MYT1L: variants seen among roughly 807,000 people sequenced by gnomAD.
MYT1L encodes myelin transcription factor 1-like protein.
MYT1L carries 12 observed loss-of-function variants against 126.7 expected under a neutral mutation model. The ratio of observed to expected loss-of-function variants is 0.09; its 90% confidence interval spans 0.06 to 0.15. MYT1L has a LOEUF of 0.15. MYT1L is among the 10% of genes least tolerant of loss of function. The pLI is 1.00. For missense variants in MYT1L, 979 were observed against 1,585.2 expected (o/e 0.62, Z 6.49); for synonymous variants, 541 against 604.2 (o/e 0.90, Z 1.53).
Position 1,956,623 on chromosome 2 carries a change from C to CTAT in MYT1L, c.153-13290_153-13289insATA, listed in dbSNP as rs1558534517. ...ATCTATCTATCTATCTATCTATCTA[C>CTAT]CTACCTACCTATCTAGCTATCTATT... On this transcript the variant is annotated intron_variant, in intron 8 of 24. Coordinates refer to ENST00000647738, the MANE Select transcript of MYT1L (RefSeq NM_001303052.2). Among the ~76,000 whole-genome samples, 574 of 103,386 alleles carry CTAT rather than the reference C, an allele frequency of 5.6e-3. 13 individuals are homozygous for CTAT. The highest frequency in any genetic ancestry group is 0.01 in the African/African-American group (257 of 24,554). 67.8% of individuals were successfully genotyped at this position (103,386 alleles called of 152,430 possible).
At chr2:2,095,176 G>A (rs112658121) in intron 3 of MYT1L, among the ~76,000 whole-genome samples, 1,762 of 152,370 alleles carry the variant, frequency 0.012, 29 homozygotes, top group African/African-American at 0.04. Context: ...CCCCCAAGTT[G>A]TGACAGAAGC....
At chr2:1,916,729 T>G (rs914507218) in intron 11 of MYT1L, among the ~76,000 whole-genome samples, 1 of 152,174 alleles carries the variant, frequency 6.6e-6, no homozygotes, top group Non-Finnish European at 1.5e-5. Context: ...ACTTTACAGG[T>G]GAAATGCAAT....
chr2:1,869,870 G>A lies in MYT1L; in HGVS notation c.2711+16669C>T, dbSNP rs189060083. Among the ~76,000 whole-genome samples the A allele has an allele frequency of 6.6e-5, 10 of 152,286 alleles. No individual in the cohort carries two copies. The East Asian group carries it at 1.9e-3, about 29-fold the overall frequency. On this transcript the variant is annotated intron_variant, in intron 18 of 24. Transcript: ENST00000647738. The stretch of plus-strand genomic sequence containing the variant: ...CTGTTTGAATCTGGGGCCAGTGTCT[G>A]CTCACTATACCACACAGATCTCCAA...
chr2:1,949,428 C>CGATG (rs1162251218), intron 8 of MYT1L, among the ~76,000 whole-genome samples: 1 of 152,090 alleles, frequency 6.6e-6, no homozygotes, highest in Non-Finnish European at 1.5e-5. Context: ...GGATGCCTCA[C>CGATG]GATGTCTTTT....
At chr2:2,025,233 T>C (rs1044261459) in intron 4 of MYT1L, among the ~76,000 whole-genome samples, 6 of 152,148 alleles carry the variant, frequency 3.9e-5, no homozygotes, top group Non-Finnish European at 5.9e-5. Context: ...CACAGAGCAG[T>C]TGGAACTCAC....
At chr2:2,249,326 A>G (rs1453478841) in intron 2 of MYT1L, among the ~76,000 whole-genome samples, 1 of 152,040 alleles carries the variant, frequency 6.6e-6, no homozygotes, top group Non-Finnish European at 1.5e-5. Flanking sequence ...GAAGTGAAAT[A>G]TCTCTATAAT....
At chr2:2,030,074 G>A (rs2066062659) in intron 4 of MYT1L, among the ~76,000 whole-genome samples, 1 of 152,108 alleles carries the variant, frequency 6.6e-6, no homozygotes, top group African/African-American at 2.4e-5. Context: ...TGATGGGCAT[G>A]AGGAATTGTT....
At chr2:2,260,175 C>T (rs901304648) in intron 2 of MYT1L, among the ~76,000 whole-genome samples, 6 of 152,176 alleles carry the variant, frequency 3.9e-5, no homozygotes, top group Non-Finnish European at 7.3e-5. Context: ...AGATTTTACA[C>T]CTGGCTCCCC....
At chr2:1,831,425 G>A (rs1458947671) in intron 21 of MYT1L, among the ~76,000 whole-genome samples, 1 of 152,060 alleles carries the variant, frequency 6.6e-6, no homozygotes, top group Non-Finnish European at 1.5e-5. Context: ...TGCCTGTGAG[G>A]TCCTGCCCAC....
At chr2:1,976,973 T>A (rs749865390) in intron 8 of MYT1L, among the ~76,000 whole-genome samples, 1 of 152,190 alleles carries the variant, frequency 6.6e-6, no homozygotes, top group Non-Finnish European at 1.5e-5. Flanking sequence ...CCATTAGTGA[T>A]GTAGTGGAAG....
intron 8 of MYT1L, among the ~76,000 whole-genome samples, chr2:1,956,045 C>T (rs993123855): frequency 2.8e-5 from 4 of 145,430 alleles, no homozygotes; most frequent in Admixed American, 1.3e-4. Context: ...TTCTATGTAT[C>T]TATGTATCTA....
intron 20 of MYT1L, among the ~76,000 whole-genome samples, chr2:1,840,060 C>T (rs528363123): frequency 6.6e-6 from 1 of 152,170 alleles, no homozygotes; most frequent in Non-Finnish European, 1.5e-5. Context: ...AGTGAGTTTG[C>T]CTGCATTGTT....
chr2:1,941,047 T>C (rs1392094879), intron 9 of MYT1L, among the ~76,000 whole-genome samples: 1 of 152,228 alleles, frequency 6.6e-6, no homozygotes, highest in Non-Finnish European at 1.5e-5. Flanking sequence ...ATCCTAAGTG[T>C]TCAAGTGAGA....
At chr2:2,320,576 A>T (rs1573554486) in intron 1 of MYT1L, among the ~76,000 whole-genome samples, 2 of 152,284 alleles carry the variant, frequency 1.3e-5, no homozygotes, top group Admixed American at 6.5e-5. Flanking sequence ...GAGAAACAGC[A>T]CAACACTGTT....
intron 21 of MYT1L, chr2:1,825,631 C>A (rs2039203370): frequency 6.6e-6 from 1 of 152,080 alleles, no homozygotes; most frequent in African/African-American, 2.4e-5. Context: ...GATCAGGTTC[C>A]CCATCTCTTT....
chr2:1,862,005 G>GC (rs1474778487), intron 18 of MYT1L, among the ~76,000 whole-genome samples: 4 of 152,128 alleles, frequency 2.6e-5, no homozygotes, highest in African/African-American at 2.4e-5. Context: ...GGAATTCGCT[G>GC]AGATTTTTCA....
intron 5 of MYT1L, among the ~76,000 whole-genome samples, chr2:1,995,350 C>T (rs2149595520): frequency 6.6e-6 from 1 of 152,296 alleles, no homozygotes; most frequent in East Asian, 1.9e-4. Context: ...CTGTCGTCCT[C>T]ACTGCGCTCT....
At chr2:2,149,169 T>C (rs909909254) in intron 3 of MYT1L, among the ~76,000 whole-genome samples, 2 of 152,216 alleles carry the variant, frequency 1.3e-5, no homozygotes, top group African/African-American at 4.8e-5. Flanking sequence ...TTCTCAATTA[T>C]GTTCTTCAGC....
At chr2:2,270,404 C>A (rs749618703) in intron 2 of MYT1L, among the ~76,000 whole-genome samples, 11 of 152,150 alleles carry the variant, frequency 7.2e-5, no homozygotes, top group Admixed American at 2.6e-4. Flanking sequence ...TGTCCAGTCA[C>A]ATGAAATAAT....
Sources: gnomAD v4.1 joint callset for allele counts (sites outside exome capture counted in the v4.1 genomes callset) on GRCh38, gnomAD v4.1.1 for gene constraint, MANE v1.5 for transcripts, NCBI Gene and HGNC (gene_info 2026-07-23, HGNC 2026-07-21) for gene names.